The following CALCR variants were observed in gnomAD, a reference collection of about 807,000 sequenced individuals.
CALCR encodes calcitonin receptor.
A neutral mutation model predicts 59.5 loss-of-function variants in CALCR; 47 were observed. That is an observed-to-expected ratio of 0.79 (90% CI 0.63 to 1.01). The LOEUF (loss-of-function observed/expected upper bound fraction) is 1.01. Among genes scored for constraint, CALCR ranks in the 50% least tolerant of loss-of-function variants. The pLI is 0.00. For synonymous variants in CALCR, 213 were observed against 211.3 expected (o/e 1.01, Z -0.07); for missense variants, 566 against 597.1 (o/e 0.95, Z 0.54).
chr7:93,465,071 C>T (rs1238128699), intron 7 of CALCR, among the ~76,000 whole-genome samples: 1 of 151,886 alleles, frequency 6.6e-6, no homozygotes, highest in Non-Finnish European at 1.5e-5. Context: ...TTTCTATCAG[C>T]TTTCAGGCAA....
chr7:93,462,647 T>C (rs1800359785), intron 7 of CALCR, among the ~76,000 whole-genome samples: 1 of 152,104 alleles, frequency 6.6e-6, no homozygotes. Context: ...TATCTAGAAC[T>C]AAGGAGTATG....
intron 2 of CALCR, among the ~76,000 whole-genome samples, chr7:93,543,345 G>A (rs985391775): frequency 2.0e-5 from 3 of 151,972 alleles, no homozygotes; most frequent in Non-Finnish European, 2.9e-5. Context: ...GGGTTTCACC[G>A]TGCTGGTCAG....
chr7:93,474,865 T>C (rs942534613), intron 5 of CALCR, among the ~76,000 whole-genome samples: 2 of 151,790 alleles, frequency 1.3e-5, no homozygotes, highest in Non-Finnish European at 3.0e-5. Context: ...AATGCTTTTA[T>C]AGATGGCTAT....
intron 13 of CALCR, among the ~76,000 whole-genome samples, chr7:93,430,108 T>G (rs1799627437): frequency 6.8e-6 from 1 of 146,506 alleles, no homozygotes; most frequent in Non-Finnish European, 1.5e-5. Context: ...ATTTTTTTTT[T>G]GTATTTTTAG....
intron 2 of CALCR, among the ~76,000 whole-genome samples, chr7:93,542,050 G>A (rs75254120): frequency 0.035 from 5,394 of 152,206 alleles, 330 homozygotes; most frequent in African/African-American, 0.12. Flanking sequence ...GACAATCTTT[G>A]CTGCCATTTT....
chr7:93,466,186 T>C (rs558402071), intron 7 of CALCR, among the ~76,000 whole-genome samples: 1 of 152,010 alleles, frequency 6.6e-6, no homozygotes, highest in Non-Finnish European at 1.5e-5. Flanking sequence ...TATTTTTTGC[T>C]CAGGTTGCAC....
intron 2 of CALCR, among the ~76,000 whole-genome samples, chr7:93,571,020 C>G (rs1249723538): frequency 6.6e-6 from 1 of 152,150 alleles, no homozygotes; most frequent in African/African-American, 2.4e-5. Context: ...TCAAACCTCT[C>G]TATATTGCTG....
chr7:93,438,920 T>A (rs993105349), intron 9 of CALCR, among the ~76,000 whole-genome samples: 2 of 152,258 alleles, frequency 1.3e-5, no homozygotes, highest in East Asian at 1.9e-4. Flanking sequence ...AAAAACTTTT[T>A]AATTTATAAA....
chr7:93,468,136 ATAATT>A (rs1760494542), intron 7 of CALCR, among the ~76,000 whole-genome samples: 1 of 151,826 alleles, frequency 6.6e-6, no homozygotes, highest in Non-Finnish European at 1.5e-5. Flanking sequence ...AGATGACAAG[ATAATT>A]TAAAGTATTC....
chr7:93,428,059 C>T (rs1435403373), intron 13 of CALCR, among the ~76,000 whole-genome samples: 1 of 152,014 alleles, frequency 6.6e-6, no homozygotes, highest in Non-Finnish European at 1.5e-5. Context: ...TACTTTATAT[C>T]TAAAGTGATT....
At chr7:93,547,961 A>G (rs1789337224) in intron 2 of CALCR, among the ~76,000 whole-genome samples, 1 of 152,200 alleles carries the variant, frequency 6.6e-6, no homozygotes, top group African/African-American at 2.4e-5. Flanking sequence ...CTCATGCTTC[A>G]GAACATTGCT....
At chr7:93,491,795 T>A (rs1801083755) in intron 2 of CALCR, among the ~76,000 whole-genome samples, 1 of 151,918 alleles carries the variant, frequency 6.6e-6, no homozygotes, top group Non-Finnish European at 1.5e-5. Flanking sequence ...GCTTTTATAC[T>A]GTTGGTGGGA....
In CALCR at chr7:93,426,297, A is replaced by G. The variant is rs879135864; in HGVS notation, c.*59T>C. 9 of 932,782 alleles carry G rather than the reference A, an allele frequency of 9.6e-6. No homozygotes were observed. The highest frequency in any genetic ancestry group is 8.0e-5 in the South Asian group (6 of 75,398). The allele number at this position is 932,782 out of a possible 1,614,324, so 57.8% of individuals were successfully genotyped here. A position where few individuals can be genotyped will look rare whatever the true frequency, so the allele number is the denominator to read the frequency against. ...GGAGGATGGAGAATACTTTAAATGC[A>G]TGGTCTTTCTCCCAGGAAATGATGG... On this transcript the variant is annotated 3_prime_UTR_variant, in exon 14 of 14. Coordinates refer to ENST00000426151, the MANE Select transcript of CALCR (RefSeq NM_001742.4).
chr7:93,497,156 T>C (rs12111850), intron 2 of CALCR, among the ~76,000 whole-genome samples: 18,716 of 151,478 alleles, frequency 0.12, 2,495 homozygotes, highest in African/African-American at 0.32. Flanking sequence ...TGACACACAA[T>C]GTAAGAGAAA....
intron 2 of CALCR, among the ~76,000 whole-genome samples, chr7:93,539,401 T>C (rs2116170857): frequency 6.6e-6 from 1 of 152,154 alleles, no homozygotes; most frequent in South Asian, 2.1e-4. Context: ...TAGTATTATA[T>C]ATCTGTTTAG....
At chr7:93,490,368 C>T (rs1430469894) in intron 2 of CALCR, among the ~76,000 whole-genome samples, 1 of 151,888 alleles carries the variant, frequency 6.6e-6, no homozygotes, top group Non-Finnish European at 1.5e-5. Flanking sequence ...TCTCTCACTG[C>T]TCCTATTCAA....
intron 2 of CALCR, among the ~76,000 whole-genome samples, chr7:93,549,660 A>G (rs1426914997): frequency 6.6e-6 from 1 of 152,258 alleles, no homozygotes; most frequent in Admixed American, 6.5e-5. Context: ...AAATTCATTC[A>G]GACAATCTGA....
intron 8 of CALCR, among the ~76,000 whole-genome samples, chr7:93,450,971 C>A (rs1800096728): frequency 6.6e-6 from 1 of 151,462 alleles, no homozygotes; most frequent in African/African-American, 2.4e-5. Flanking sequence ...AATAACAGTC[C>A]ATCTACATTT....
rs200643258 is a variant in CALCR at position 93,436,035 on chromosome 7, A to G, written c.1066T>C (p.Phe356Leu). 6.2e-7 allele frequency: 1 copy of G among 1,613,838 alleles called. No homozygotes were observed. Among genetic ancestry groups the G allele is most frequent in the Non-Finnish European group, 8.5e-7 (1 of 1,179,810 alleles). Residue 356 changes from phenylalanine (F) to leucine (L), a missense_variant, in exon 12 of 14, where the codon TTT (phenylalanine) becomes CTT (leucine). Physicochemically the swap from Phe to Leu is conservative, Grantham distance 22 (BLOSUM62 0). Transcript: ENST00000426151. ...MILVPLLGIQ[F>L]VVFPWRPSNK... is the part of the protein sequence containing the mutation. ...GAAGGTCTCCAGGGAAAGACGACAA[A>G]CTGGATTCCCAGCAGGGGCACAAGG...
Sources: allele counts gnomAD v4.1 joint callset (sites outside exome capture counted in the v4.1 genomes callset), GRCh38; gene constraint gnomAD v4.1.1; transcripts MANE v1.5; gene names NCBI Gene and HGNC (gene_info 2026-07-23, HGNC 2026-07-21).